LRP2: variants seen among roughly 807,000 people sequenced by gnomAD.
The protein encoded by LRP2 is low-density lipoprotein receptor-related protein 2.
A neutral mutation model predicts 531.0 loss-of-function variants in LRP2; 172 were observed. That is an observed-to-expected ratio of 0.32 (90% CI 0.29 to 0.37). LRP2 has a LOEUF of 0.37. Ranked by LOEUF, LRP2 falls within the 10% of genes least tolerant of loss-of-function variation. LRP2 has a pLI of 1.00. For synonymous variants in LRP2, 1,992 were observed against 2,027.6 expected (o/e 0.98, Z 0.47); for missense variants, 5,167 against 5,868.3 (o/e 0.88, Z 3.90).
chr2:169,351,151 C>T (rs991535469), intron 1 of LRP2, among the ~76,000 whole-genome samples: 4 of 152,280 alleles, frequency 2.6e-5, no homozygotes, highest in East Asian at 1.9e-4. Flanking sequence ...TGTGATGCTG[C>T]TAACCAGTTA....
At chr2:169,324,645 A>G (rs1559075546) in intron 1 of LRP2, among the ~76,000 whole-genome samples, 3 of 148,808 alleles carry the variant, frequency 2.0e-5, no homozygotes, top group African/African-American at 5.0e-5. Flanking sequence ...AAAAAAAAAA[A>G]GAGTAATCCT....
intron 12 of LRP2, 39 bp downstream of exon 12, chr2:169,279,333 C>T: frequency 6.7e-7 from 1 of 1,486,872 alleles, no homozygotes. Flanking sequence ...AGAGAAAATT[C>T]TAAAAATACA....
chr2:169,182,067 C>A (rs948307461), intron 51 of LRP2, 100 bp downstream of exon 51: 25 of 1,486,030 alleles, frequency 1.7e-5, no homozygotes, highest in Non-Finnish European at 2.3e-5. Flanking sequence ...CAAACCCCAG[C>A]AAGACATTGG....
chr2:169,174,749 A>T (rs1687125339), intron 55 of LRP2, among the ~76,000 whole-genome samples: 1 of 149,072 alleles, frequency 6.7e-6, no homozygotes, highest in Non-Finnish European at 1.5e-5. Flanking sequence ...GGCTCAAGCG[A>T]TCGACCTGCC....
intron 4 of LRP2, among the ~76,000 whole-genome samples, chr2:169,301,228 G>GA (rs1032686609): frequency 1.4e-4 from 21 of 151,934 alleles, no homozygotes; most frequent in African/African-American, 4.8e-5. Flanking sequence ...TCACTTAACA[G>GA]AAAAAAACTG....
chr2:169,212,004 C>G lies in LRP2; in HGVS notation c.6244G>C (p.Asp2082His). 6.2e-7 allele frequency: 1 copy of G among 1,613,972 alleles called. No homozygotes were observed. The highest frequency in any genetic ancestry group is 2.2e-5 in the East Asian group (1 of 44,884). Residue 2082 changes from aspartate (D) to histidine (H), a missense_variant, in exon 37 of 79, where the codon GAT (aspartate) becomes CAT (histidine). Physicochemically the swap from Asp to His is moderately conservative, Grantham distance 81. This residue lies in a region of LRP2 where 2,811 missense variants were observed against 3,058.0 expected (regional missense o/e 0.92). Coordinates refer to ENST00000649046, the MANE Select transcript of LRP2 (RefSeq NM_004525.3). ...AIRGFSLELSDHSETMVPVAG... is the reference protein window; with the variant it reads ...AIRGFSLELSHHSETMVPVAG... ...ACCGGCACCATGGTTTCTGAATGAT[C>G]TGACAATTCCAAGCTAAAGCCTCTG...
At chr2:169,344,146 T>C (rs1213691958) in intron 1 of LRP2, among the ~76,000 whole-genome samples, 4 of 152,108 alleles carry the variant, frequency 2.6e-5, no homozygotes, top group Admixed American at 2.0e-4. Flanking sequence ...ATACTTTAAG[T>C]TCTGGGGTAC....
At chr2:169,224,534 T>C (rs540752652) in intron 33 of LRP2, among the ~76,000 whole-genome samples, 68 of 152,334 alleles carry the variant, frequency 4.5e-4, no homozygotes, top group African/African-American at 1.4e-3. Flanking sequence ...AAAACTGTAC[T>C]GGAGCCATAG....
intron 1 of LRP2, among the ~76,000 whole-genome samples, chr2:169,345,858 A>AAAAAC (rs747011872): frequency 6.1e-4 from 93 of 152,152 alleles, no homozygotes; most frequent in Admixed American, 1.3e-3. Flanking sequence ...GCTTCTCTCC[A>AAAAAC]AAAACAAAAC....
chr2:169,171,593 C>A (rs936689076), intron 58 of LRP2, among the ~76,000 whole-genome samples: 2 of 152,154 alleles, frequency 1.3e-5, no homozygotes, highest in African/African-American at 4.8e-5. Flanking sequence ...CCTATGAAGG[C>A]CATTTTGGGG....
intron 47 of LRP2, among the ~76,000 whole-genome samples, chr2:169,193,528 C>A (rs1358443309): frequency 6.6e-6 from 1 of 150,826 alleles, no homozygotes; most frequent in African/African-American, 2.4e-5. Context: ...ACATTATGTC[C>A]ATTAGCCAAA....
Position 169,154,471 on chromosome 2 carries a change from T to A in LRP2, c.12284A>T (p.Asp4095Val), listed in dbSNP as rs538396567. ...QAVDYDWDPK[D>V]IGLSVVYYTV... ...AAGTTTATACTCACTGAGGCCTATG[T>A]CCTTGGGATCCCAATCATAATCAAC... is the stretch of plus-strand genomic sequence containing the variant. The change falls in exon 66 of 79, where the codon GAC becomes GTC. Residue 4095 changes from aspartate to valine, a missense_variant. Physicochemically the swap from Asp to Val is radical, Grantham distance 152. Transcript: ENST00000649046. 6.2e-7 allele frequency: 1 copy of A among 1,612,454 alleles called. No homozygotes were observed. The highest frequency in any genetic ancestry group is 2.2e-5 in the East Asian group (1 of 44,856).
At chr2:169,349,368 A>G (rs1299867142) in intron 1 of LRP2, among the ~76,000 whole-genome samples, 1 of 152,156 alleles carries the variant, frequency 6.6e-6, no homozygotes, top group Non-Finnish European at 1.5e-5. Context: ...CAAAGGCCCA[A>G]AAGTGCTCAC....
chr2:169,182,256 G>A lies in LRP2; in HGVS notation c.9909C>T (p.His3303=). 1.9e-6 allele frequency: 3 copies of A among 1,614,120 alleles called. No homozygotes were observed. Among genetic ancestry groups the A allele is most frequent in the Non-Finnish European group, 2.5e-6 (3 of 1,179,974 alleles). Residue 3303 remains histidine, a synonymous_variant, in exon 51 of 79, where the codon CAC becomes CAT. Coordinates refer to ENST00000649046, the MANE Select transcript of LRP2 (RefSeq NM_004525.3). Reference sequence around the variant, plus strand: ...CACAGTGCTGGGCCAGCATGCGGCGGTGTCCACCATTGAGGTCAGAGACAA... The same window carrying A: ...CACAGTGCTGGGCCAGCATGCGGCGATGTCCACCATTGAGGTCAGAGACAA... ...GLFVSDLNGG[H]RRMLAQHCVD...
At chr2:169,146,036 A>C in intron 69 of LRP2, 113 bp from the exon 70 acceptor site, 1 of 960,836 alleles carries the variant, frequency 1.0e-6, no homozygotes. Context: ...ATTCCCTCAT[A>C]CAATGCCTTG....
chr2:169,231,593 A>G, intron 31 of LRP2, 121 bp downstream of exon 31: 1 of 1,217,602 alleles, frequency 8.2e-7, no homozygotes, highest in Non-Finnish European at 1.2e-6. Flanking sequence ...CATTCTGCAG[A>G]CACCTGAGGA....
intron 20 of LRP2, 126 bp downstream of exon 20, chr2:169,247,252 G>T: frequency 9.5e-7 from 1 of 1,054,822 alleles, no homozygotes; most frequent in Non-Finnish European, 1.4e-6. Context: ...TTATGTGAAC[G>T]ACAAGAATAT....
Position 169,277,694 on chromosome 2 carries a change from G to A in LRP2, c.1772+51C>T, listed in dbSNP as rs773622972. 5 of 1,497,154 alleles carry A rather than the reference G, an allele frequency of 3.3e-6. No individual in the cohort carries two copies. In the South Asian group the frequency reaches 5.7e-5, roughly 17 times the overall value. 92.7% of individuals were successfully genotyped at this position (1,497,154 alleles called of 1,614,324 possible). ...TGATATTTCTCTGCAGCCATTTTAT[G>A]CACTTTCCCTGCAACTTATAAAGCC... is the stretch of plus-strand genomic sequence containing the variant. On this transcript the variant is annotated intron_variant, in intron 13 of 78. Coordinates refer to ENST00000649046, the MANE Select transcript of LRP2 (RefSeq NM_004525.3).
At chr2:169,340,559 T>C (rs958366775) in intron 1 of LRP2, among the ~76,000 whole-genome samples, 7 of 152,194 alleles carry the variant, frequency 4.6e-5, no homozygotes, top group Admixed American at 3.3e-4. Flanking sequence ...AGAAGGCATG[T>C]CCTCCTTTCT....
Sources: gnomAD v4.1 joint callset for allele counts (sites outside exome capture counted in the v4.1 genomes callset) on GRCh38, gnomAD v4.1.1 for gene constraint, gnomAD v4.1.1 regional missense constraint, MANE v1.5 for transcripts, NCBI Gene and HGNC (gene_info 2026-07-23, HGNC 2026-07-21) for gene names.